Variants in ZNF423 observed in about 807,000 individuals in gnomAD.
The protein encoded by ZNF423 is Ebf-associated zinc finger protein.
A neutral mutation model predicts 95.8 loss-of-function variants in ZNF423; 12 were observed. The ratio of observed to expected loss-of-function variants is 0.13; its 90% CI spans 0.08 to 0.20. The LOEUF is 0.20. Among genes scored for constraint, ZNF423 ranks in the 10% least tolerant of loss-of-function variants. The pLI is 1.00. For synonymous variants in ZNF423, 749 were observed against 711.9 expected (o/e 1.05, Z -0.83); for missense variants, 1,316 against 1,737.1 (o/e 0.76, Z 4.31).
intron 2 of ZNF423, among the ~76,000 whole-genome samples, chr16:49,758,616 C>A (rs1034312261): frequency 6.6e-6 from 1 of 152,126 alleles, no homozygotes; most frequent in African/African-American, 2.4e-5. Flanking sequence ...GTGGCATGCA[C>A]CTGCAGTCCC....
At chr16:49,700,911 G>A (rs2032157995) in intron 3 of ZNF423, among the ~76,000 whole-genome samples, 1 of 152,084 alleles carries the variant, frequency 6.6e-6, no homozygotes, top group African/African-American at 2.4e-5. Flanking sequence ...GAGAAAGGAG[G>A]AGGGAGGAGG....
intron 5 of ZNF423, among the ~76,000 whole-genome samples, chr16:49,527,401 C>T (rs1267207941): frequency 1.3e-5 from 2 of 152,228 alleles, no homozygotes; most frequent in Non-Finnish European, 2.9e-5. Context: ...CCTCCACCTC[C>T]CTTGGGGAGA....
At chr16:49,652,243 A>T (rs1171138387) in intron 3 of ZNF423, among the ~76,000 whole-genome samples, 1 of 151,864 alleles carries the variant, frequency 6.6e-6, no homozygotes, top group East Asian at 1.9e-4. Context: ...CTCGCAGAAC[A>T]CACAGCCTGC....
intron 3 of ZNF423, among the ~76,000 whole-genome samples, chr16:49,643,113 G>T (rs140692465): frequency 6.6e-6 from 1 of 152,156 alleles, no homozygotes; most frequent in African/African-American, 2.4e-5. Context: ...GAGTCACTGC[G>T]CCTGGCCCAA....
At chr16:49,664,089 ACCTTTCCCCCT>A in intron 3 of ZNF423, 1 of 985,176 alleles carries the variant, frequency 1.0e-6, no homozygotes, top group Non-Finnish European at 1.2e-6. Context: ...GCCTCCGCTT[ACCTTTCCCCCT>A]GCTCACCAGG....
At chr16:49,760,835 C>T (rs1168426296) in intron 2 of ZNF423, among the ~76,000 whole-genome samples, 1 of 151,828 alleles carries the variant, frequency 6.6e-6, no homozygotes, top group African/African-American at 2.4e-5. Flanking sequence ...ACTTCTCCCC[C>T]GACCATCTGC....
rs191102334 is a variant in ZNF423 at position 49,658,425 on chromosome 16, T to C, written c.302-19551A>G. Among the ~76,000 whole-genome samples, 1,027 of 152,336 alleles carry C rather than the reference T, an allele frequency of 6.7e-3. 9 individuals are homozygous for C. The highest frequency in any genetic ancestry group is 0.012 in the Non-Finnish European group (789 of 68,022). ...CAGGCGGCCCCTCTGAGGGCCCCAC[T>C]CACCCCTAAACTCATCCAAATCTAC... On this transcript the variant is annotated intron_variant, in intron 3 of 7. Coordinates refer to ENST00000563137, the MANE Select transcript of ZNF423 (RefSeq NM_001379286.1).
chr16:49,698,417 T>A (rs1248581870), intron 3 of ZNF423, among the ~76,000 whole-genome samples: 1 of 152,170 alleles, frequency 6.6e-6, no homozygotes, highest in African/African-American at 2.4e-5. Flanking sequence ...TTTGATTCCA[T>A]CAATTACCAT....
chr16:49,689,397 G>C (rs931638981), intron 3 of ZNF423, among the ~76,000 whole-genome samples: 1 of 152,022 alleles, frequency 6.6e-6, no homozygotes, highest in Non-Finnish European at 1.5e-5. Flanking sequence ...GGTTGCAGTG[G>C]GCTATGATGG....
intron 7 of ZNF423, among the ~76,000 whole-genome samples, chr16:49,506,610 AGATGGATG>A (rs1967653444): frequency 6.9e-6 from 1 of 144,088 alleles, no homozygotes; most frequent in Admixed American, 6.9e-5. Context: ...ATGAATGAAT[AGATGGATG>A]GATGGATAGA....
chr16:49,745,581 T>C (rs1215769536), intron 2 of ZNF423, among the ~76,000 whole-genome samples: 2 of 152,234 alleles, frequency 1.3e-5, no homozygotes, highest in Non-Finnish European at 2.9e-5. Flanking sequence ...TGACTGTCTA[T>C]TGTGAAGACA....
chr16:49,725,821 C>T (rs2032997964), intron 3 of ZNF423, among the ~76,000 whole-genome samples: 2 of 152,222 alleles, frequency 1.3e-5, no homozygotes, highest in Non-Finnish European at 2.9e-5. Context: ...GACTGCCAGC[C>T]CCTGGAGGGC....
At chr16:49,733,958 A>G (rs923682271) in intron 2 of ZNF423, among the ~76,000 whole-genome samples, 8 of 152,236 alleles carry the variant, frequency 5.3e-5, no homozygotes, top group African/African-American at 1.9e-4. Flanking sequence ...TGCAGATGAG[A>G]AAACTGAGCC....
chr16:49,783,211 CAG>C (rs1315944629), intron 2 of ZNF423, among the ~76,000 whole-genome samples: 55 of 132,442 alleles, frequency 4.2e-4, no homozygotes, highest in African/African-American at 1.5e-3. Flanking sequence ...GCGGGAGAGA[CAG>C]GGGTTAGGGG....
At chr16:49,822,590 G>T in intron 1 of ZNF423, 1 of 1,230,788 alleles carries the variant, frequency 8.1e-7, no homozygotes, top group Non-Finnish European at 1.1e-6. Flanking sequence ...TTGTCCAAGA[G>T]AACTAAGCTC....
chr16:49,660,992 G>A (rs2030190051), intron 3 of ZNF423, among the ~76,000 whole-genome samples: 1 of 152,124 alleles, frequency 6.6e-6, no homozygotes, highest in African/African-American at 2.4e-5. Context: ...AGGCCAAGGA[G>A]GGTGGATCAC....
rs1972863861 is a variant in ZNF423, at chr16:49,638,824, TG to T, written c.351del (p.Ser117ArgfsTer10). The T allele has an allele frequency of 6.2e-7, 1 of 1,613,496 alleles. No individual in the cohort carries two copies. Among genetic ancestry groups the T allele is most frequent in the Non-Finnish European group, 8.5e-7 (1 of 1,179,652 alleles). ...ATCTGCGTGGGTGACGCAACATCCT[TG>T]CTGGAGGGAGACGAGGCCACCCAGG... ...QLSWVASSPS[S>X]KDVASPTQMI... On this transcript the variant is annotated frameshift_variant, in exon 4 of 8. Coordinates refer to ENST00000563137, the MANE Select transcript of ZNF423 (RefSeq NM_001379286.1). LOFTEE classifies it high-confidence loss of function. This position sits in a 1 kb window ranked among gnomAD's most constrained non-coding sequence, Gnocchi z 5.6.
chr16:49,639,164 G>C lies in ZNF423; in HGVS notation c.302-290C>G, dbSNP rs567943870. Among the ~76,000 whole-genome samples, 4 of 152,148 alleles carry C rather than the reference G, an allele frequency of 2.6e-5. No individual in the cohort carries two copies. In the East Asian group the frequency reaches 5.8e-4, roughly 22 times the overall value. On this transcript the variant is annotated intron_variant, in intron 3 of 7. Transcript: ENST00000563137. ...ACCCCCCATCAGAGGGGAGGCTCTC[G>C]GCCACTTTCCTGATAGGGAAAGGAG...
chr16:49,756,441 A>G (rs1166504678), intron 2 of ZNF423, among the ~76,000 whole-genome samples: 3 of 152,138 alleles, frequency 2.0e-5, no homozygotes, highest in Non-Finnish European at 2.9e-5. Flanking sequence ...CGCTTGGAAA[A>G]CAGCCTTTTG....
Sources: allele counts gnomAD v4.1 joint callset (sites outside exome capture counted in the v4.1 genomes callset), GRCh38; gene constraint gnomAD v4.1.1; non-coding constraint Gnocchi (gnomAD v3.1); transcripts MANE v1.5; gene names NCBI Gene and HGNC (gene_info 2026-07-23, HGNC 2026-07-21).